WDR24: variants seen among roughly 807,000 people sequenced by gnomAD.
The protein encoded by WDR24 is WD repeat domain 24, also known as GATOR2 complex protein WDR24.
WDR24 carries 32 observed loss-of-function variants against 66.7 expected under a neutral mutation model. The observed-to-expected ratio is 0.48, with a 90% CI of 0.36 to 0.64. The LOEUF (loss-of-function observed/expected upper bound fraction) is 0.64. Ranked by LOEUF, WDR24 falls within the 30% of genes least tolerant of loss-of-function variation. WDR24 has a pLI of 0.00. For missense variants in WDR24, 978 were observed against 1,144.1 expected (o/e 0.85, Z 2.09); for synonymous variants, 565 against 469.1 (o/e 1.20, Z -2.64).
intron 3 of WDR24, 55 bp from the exon 4 acceptor site, chr16:686,241 A>ATG: frequency 6.3e-7 from 1 of 1,583,788 alleles, no homozygotes; most frequent in Non-Finnish European, 8.6e-7. Flanking sequence ...CACCCCATGC[A>ATG]GGTCCCTCTC....
In WDR24 at chr16:685,370, G is replaced by C; in HGVS notation, c.1906C>G (p.Leu636Val). ...SRLPPDFFGV[L>V]VRDMLHFYAE... The stretch of plus-strand genomic sequence containing the variant: ...TAGAAGTGCAGCATGTCGCGCACCA[G>C]CACGCCGAAGAAGTCGGGCGGCAGG... The change falls in exon 7 of 9, where the codon CTG becomes GTG. Residue 636 changes from leucine to valine, a missense_variant. Physicochemically the swap from Leu to Val is conservative, Grantham distance 32. Transcript: ENST00000293883. 4 of 1,612,050 alleles carry C rather than the reference G, an allele frequency of 2.5e-6. No individual in the cohort carries two copies. The highest frequency in any genetic ancestry group is 2.2e-5 in the South Asian group (2 of 91,080).
At position 690,090 on chromosome 16, in the gene WDR24, G is replaced by A. The variant is rs778148208; in HGVS notation, c.-450C>T. The A allele has an allele frequency of 8.7e-6, 4 of 462,316 alleles. No homozygotes were observed. The highest frequency in any genetic ancestry group is 6.2e-5 in the South Asian group (4 of 64,628). The allele number at this position is 462,316 out of a possible 1,614,324, so 28.6% of individuals were successfully genotyped here. A position where few individuals can be genotyped will look rare whatever the true frequency, so the allele number is the denominator to read the frequency against. On this transcript the variant is annotated 5_prime_UTR_variant, in exon 1 of 9. Coordinates refer to ENST00000293883, the MANE Select transcript of WDR24 (RefSeq NM_032259.4). Reference sequence around the variant, plus strand: ...AGCCCTGAGGGCGGCGGGGCTCTAGGGAGGAACAAAAGAGGGGAGGGAACA... The same window carrying A: ...AGCCCTGAGGGCGGCGGGGCTCTAGAGAGGAACAAAAGAGGGGAGGGAACA...
Position 689,535 on chromosome 16 carries a change from G to T in WDR24, c.106C>A (p.Arg36Ser). 6.2e-7 allele frequency: 1 copy of T among 1,613,216 alleles called. No homozygotes were observed. The highest frequency in any genetic ancestry group is 1.1e-5 in the South Asian group (1 of 91,078). ...DAPANAISVC[R>S]DAAQVVVAGR... ...GCCACGACCACCTGGGCTGCGTCGC[G>T]GCACACACTGATGGCATTGGCGGGA... The change falls in exon 1 of 9, where the codon CGC becomes AGC. Residue 36 changes from arginine to serine, a missense_variant. Around this residue, in one of 2 missense-constraint regions of WDR24, gnomAD observed 302 missense variants for 526.6 expected, o/e 0.57. Coordinates refer to ENST00000293883, the MANE Select transcript of WDR24 (RefSeq NM_032259.4).
At chr16:688,727 A>G (rs2039936642) in intron 1 of WDR24, among the ~76,000 whole-genome samples, 1 of 152,198 alleles carries the variant, frequency 6.6e-6, no homozygotes, top group Non-Finnish European at 1.5e-5. Flanking sequence ...CCTGTTAGGA[A>G]AAGGGCCCCA....
rs1222411915 is a variant in WDR24, at chr16:686,866, G to T, written c.1210C>A (p.Pro404Thr). The part of the protein sequence containing the change: ...SSALSVFETE[P>T]GGGGMRWFVD... ...AACCAGCGCATGCCGCCGCCACCTG[G>T]CTCCGTCTCAAAGACACTGAGGGCA... The change falls in exon 3 of 9, where the codon CCA (proline) becomes ACA (threonine). Residue 404 changes from proline (P) to threonine (T), a missense_variant. Pro to Thr is a conservative substitution (Grantham distance 38). Around this residue, in one of 2 missense-constraint regions of WDR24, gnomAD observed 676 missense variants for 617.5 expected, o/e 1.09. Transcript: ENST00000293883. 2 of 1,610,262 alleles carry T rather than the reference G, an allele frequency of 1.2e-6. No individual in the cohort carries two copies. Among genetic ancestry groups the T allele is most frequent in the Admixed American group, 3.3e-5 (2 of 59,926 alleles).
intron 1 of WDR24, chr16:688,101 A>G: frequency 2.1e-6 from 1 of 472,634 alleles, no homozygotes; most frequent in Non-Finnish European, 4.2e-6. Flanking sequence ...GCCCTGTGGG[A>G]GGCCCAAGGA....
chr16:686,619 G>T (rs2039910649), intron 3 of WDR24, 125 bp downstream of exon 3: 2 of 1,220,138 alleles, frequency 1.6e-6, no homozygotes, highest in Non-Finnish European at 2.3e-6. Context: ...CCAAGGCAAG[G>T]CCTGTTGGTG....
chr16:685,621 G>C (rs772928360), intron 6 of WDR24, 24 bp from the exon 7 acceptor site: 2 of 1,607,598 alleles, frequency 1.2e-6, no homozygotes, highest in African/African-American at 2.7e-5. Context: ...ACCAGCGGAG[G>C]CTCTGAGTCT....
Position 685,595 on chromosome 16 carries a change from C to A in WDR24, c.1681G>T (p.Glu561Ter). Residue 561 changes from glutamate (E) to a stop codon, truncating the protein, a stop_gained and splice_region_variant, in exon 7 of 9, where the codon GAG (glutamate) becomes TAG (stop). Transcript: ENST00000293883. LOFTEE classifies it high-confidence loss of function. Reference protein sequence around the residue: ...YLLDPEHAHPEDPECVLPQEA... With the variant: ...YLLDPEHAHP ...TGCGGCAGCACGCACTCAGGGTCCT[C>A]GGCTGGAAGGCAGGGACCAGCGGAG... The A allele has an allele frequency of 6.3e-7, 1 of 1,599,744 alleles. No individual in the cohort carries two copies. Among genetic ancestry groups the A allele is most frequent in the Non-Finnish European group, 8.5e-7 (1 of 1,173,108 alleles).
At chr16:685,630 CTG>C (rs775027450) in intron 6 of WDR24, 33 bp from the exon 7 acceptor site, 28 of 1,610,158 alleles carry the variant, frequency 1.7e-5, no homozygotes, top group Non-Finnish European at 2.4e-5. Flanking sequence ...GGCTCTGAGT[CTG>C]TCCTCCATCC....
rs777868083 is a variant in WDR24, at chr16:685,949, G to A, written c.1493C>T (p.Thr498Met). The A allele has an allele frequency of 6.2e-6, 10 of 1,612,996 alleles. No homozygotes were observed. The highest frequency in any genetic ancestry group is 2.7e-5 in the African/African-American group (2 of 74,918). Residue 498 changes from threonine to methionine, a missense_variant, in exon 5 of 9, where the codon ACG becomes ATG. This residue lies in a region of WDR24 where 676 missense variants were observed against 617.5 expected (regional missense o/e 1.09). Coordinates refer to ENST00000293883, the MANE Select transcript of WDR24 (RefSeq NM_032259.4). ...ATCTCCTTTGCTGCGGTCCAGCCGC[G>A]TCTCACTGCCCAACCCTGGGGCCAT... ...KDMAPGLGSETRLDRSKGDAR... is the reference protein window; with the variant it reads ...KDMAPGLGSEMRLDRSKGDAR...
rs1156425274 is a variant in WDR24, at chr16:689,318, G to T, written c.323C>A (p.Ser108Tyr). ...VVVTWNLGRP[S>Y]RNKQDQLFTE... is the part of the protein sequence containing the mutation. Reference sequence around the variant, plus strand: ...GAACAGCTGGTCCTGCTTGTTGCGGGATGGCCGGCCCAGGTTCCACGTGAC... The same window carrying T: ...GAACAGCTGGTCCTGCTTGTTGCGGTATGGCCGGCCCAGGTTCCACGTGAC... Residue 108 changes from serine (S) to tyrosine (Y), a missense_variant, in exon 1 of 9, where the codon TCC becomes TAC. Ser to Tyr is a moderately radical substitution (Grantham distance 144). Coordinates refer to ENST00000293883, the MANE Select transcript of WDR24 (RefSeq NM_032259.4). 1.2e-6 allele frequency: 2 copies of T among 1,613,848 alleles called. No homozygotes were observed. Among genetic ancestry groups the T allele is most frequent in the Non-Finnish European group, 1.7e-6 (2 of 1,180,026 alleles).
Position 684,775 on chromosome 16 carries a change from G to A in WDR24, c.2332C>T (p.His778Tyr), listed in dbSNP as rs1478439651. Residue 778 changes from histidine to tyrosine, a missense_variant, in exon 9 of 9, where the codon CAC (histidine) becomes TAC (tyrosine). Physicochemically the swap from His to Tyr is moderately conservative, Grantham distance 83. Around this residue, in one of 2 missense-constraint regions of WDR24, gnomAD observed 676 missense variants for 617.5 expected, o/e 1.09. Transcript: ENST00000293883. ...AGGTGGCCGCAGCCTGCGGGACAGT[G>A]GGAGCTGCCTTCCAGCCACTTCATG... Reference protein sequence around the residue: ...HIMKWLEGSSHCPAGCGHLCE... With the variant: ...HIMKWLEGSSYCPAGCGHLCE... 1 of 1,599,748 alleles carries A rather than the reference G, an allele frequency of 6.3e-7. No homozygotes were observed. Among genetic ancestry groups the A allele is most frequent in the South Asian group, 1.1e-5 (1 of 89,002 alleles).
At position 689,962 on chromosome 16, in the gene WDR24, G is replaced by A. The variant is rs199529880; in HGVS notation, c.-322C>T. 1.8e-3 allele frequency: 1,028 copies of A among 577,836 alleles called. 22 individuals are homozygous for A. Among genetic ancestry groups the A allele is most frequent in the South Asian group, 0.014 (913 of 65,676 alleles). 35.8% of individuals were successfully genotyped at this position (577,836 alleles called of 1,614,324 possible). A position where few individuals can be genotyped will look rare whatever the true frequency, so the allele number is the denominator to read the frequency against. ...CTCTAGCTGGACATTCCCGGCCCAG[G>A]CCACCTCTCGGTACCCCCATCAGCC... On this transcript the variant is annotated 5_prime_UTR_variant, in exon 1 of 9. Transcript: ENST00000293883.
At position 686,834 on chromosome 16, in the gene WDR24, G is replaced by A. The variant is rs1365316415; in HGVS notation, c.1242C>T (p.Asp414=). 4 of 1,612,106 alleles carry A rather than the reference G, an allele frequency of 2.5e-6. No homozygotes were observed. The highest frequency in any genetic ancestry group is 2.2e-5 in the East Asian group (1 of 44,886). The part of the protein sequence containing the change: ...PGGGGMRWFV[D]TAERYALAGR... ...CAGCCAGCGCATAACGCTCAGCTGTGTCCACAAACCAGCGCATGCCGCCGC... is the reference window on the plus strand; with the variant it reads ...CAGCCAGCGCATAACGCTCAGCTGTATCCACAAACCAGCGCATGCCGCCGC... Residue 414 remains aspartate, a synonymous_variant, in exon 3 of 9, where the codon GAC becomes GAT. Coordinates refer to ENST00000293883, the MANE Select transcript of WDR24 (RefSeq NM_032259.4).
rs946445639 is a variant in WDR24, at chr16:687,092, G to C, written c.984C>G (p.Phe328Leu). 70 of 1,609,140 alleles carry C rather than the reference G, an allele frequency of 4.4e-5. No homozygotes were observed. The highest frequency in any genetic ancestry group is 5.8e-5 in the Non-Finnish European group (68 of 1,179,492). The part of the protein sequence containing the change: ...SKDSSLCQHL[F>L]RDASQPVERA... Reference sequence around the variant, plus strand: ...GCTCGACGGGCTGGCTGGCGTCGCGGAACAGGTGCTGGCACAGCGAGCTGT... The same window carrying C: ...GCTCGACGGGCTGGCTGGCGTCGCGCAACAGGTGCTGGCACAGCGAGCTGT... The change falls in exon 3 of 9, where the codon TTC becomes TTG. Residue 328 changes from phenylalanine (F) to leucine (L), a missense_variant. Physicochemically the swap from Phe to Leu is conservative, Grantham distance 22. Around this residue, in one of 2 missense-constraint regions of WDR24, gnomAD observed 302 missense variants for 526.6 expected, o/e 0.57. Transcript: ENST00000293883.
Position 685,587 on chromosome 16 carries a change from A to G in WDR24, c.1689T>C (p.Pro563=), listed in dbSNP as rs749823831. ...LDPEHAHPED[P]ECVLPQEAFP... ...AGGCCTCCTGCGGCAGCACGCACTC[A>G]GGGTCCTCGGCTGGAAGGCAGGGAC... The change falls in exon 7 of 9, where the codon CCT becomes CCC. Residue 563 remains proline (P), a synonymous_variant. Transcript: ENST00000293883. The G allele has an allele frequency of 8.8e-6, 14 of 1,596,992 alleles. No homozygotes were observed. The East Asian group carries it at 2.5e-4, about 28-fold the overall frequency.
In WDR24 at chr16:686,889, G is replaced by A; in HGVS notation, c.1187C>T (p.Ala396Val). 6.2e-7 allele frequency: 1 copy of A among 1,609,328 alleles called. No homozygotes were observed. Among genetic ancestry groups the A allele is most frequent in the Non-Finnish European group, 8.5e-7 (1 of 1,179,590 alleles). ...TGGCTCCGTCTCAAAGACACTGAGG[G>A]CACTGGAGGCGAGGCCTGCGAAGGG... The part of the protein sequence containing the change: ...AEPFAGLASS[A>V]LSVFETEPGG... Residue 396 changes from alanine (A) to valine (V), a missense_variant, in exon 3 of 9, where the codon GCC becomes GTC. Ala to Val is a moderately conservative substitution (Grantham distance 64, BLOSUM62 0). This residue lies in a region of WDR24 where 676 missense variants were observed against 617.5 expected (regional missense o/e 1.09). Coordinates refer to ENST00000293883, the MANE Select transcript of WDR24 (RefSeq NM_032259.4).
chr16:684,922 A>G lies in WDR24; in HGVS notation c.2205-20T>C, dbSNP rs1463839749. On this transcript the variant is annotated intron_variant, in intron 8 of 8. Coordinates refer to ENST00000293883, the MANE Select transcript of WDR24 (RefSeq NM_032259.4). ...TGGCACCTGGGGGCGGGCGGGAGGG[A>G]GGGTGCCTCAGCGGGGGCTGCTGCG... The G allele has an allele frequency of 9.1e-7, 1 of 1,098,916 alleles. No homozygotes were observed. Among genetic ancestry groups the G allele is most frequent in the Admixed American group, 2.5e-5 (1 of 39,986 alleles). The allele number at this position is 1,098,916 out of a possible 1,614,324, so 68.1% of individuals were successfully genotyped here.
Sources: allele counts gnomAD v4.1 joint callset (sites outside exome capture counted in the v4.1 genomes callset), GRCh38; gene constraint gnomAD v4.1.1; regional missense constraint gnomAD v4.1.1; transcripts MANE v1.5; gene names NCBI Gene and HGNC (gene_info 2026-07-23, HGNC 2026-07-21).